The following RORA variants were observed in gnomAD, a reference collection of about 807,000 sequenced individuals.
RORA encodes RAR related orphan receptor A, also known as nuclear receptor ROR-alpha.
RORA carries 7 observed loss-of-function variants against 69.5 expected under a neutral mutation model. The observed-to-expected ratio is 0.10, with a 90% CI of 0.06 to 0.19. RORA has a LOEUF of 0.19. Among genes scored for constraint, RORA ranks in the 10% least tolerant of loss-of-function variants. The pLI, the probability that RORA is intolerant of heterozygous loss-of-function variation, is 1.00. For synonymous variants in RORA, 261 were observed against 240.8 expected (o/e 1.08, Z -0.78); for missense variants, 457 against 663.0 (o/e 0.69, Z 3.41).
intron 1 of RORA, among the ~76,000 whole-genome samples, chr15:60,907,245 A>G (rs1383460646): frequency 6.6e-6 from 1 of 152,194 alleles, no homozygotes; most frequent in Non-Finnish European, 1.5e-5. Context: ...AGTATGGAAG[A>G]AGAGGCTTGG....
At chr15:60,959,211 G>A (rs1160580074) in intron 1 of RORA, among the ~76,000 whole-genome samples, 1 of 152,174 alleles carries the variant, frequency 6.6e-6, no homozygotes, top group African/African-American at 2.4e-5. Flanking sequence ...ACTGGACAGA[G>A]GACTATGGCT....
chr15:60,997,039 T>TTGTGTGTGTGTGTGTGTGTG (rs10687177), intron 1 of RORA, among the ~76,000 whole-genome samples: 13 of 148,332 alleles, frequency 8.8e-5, no homozygotes, highest in African/African-American at 3.2e-4. Flanking sequence ...ATATTGGGGT[T>TTGTGTGTGTGTGTGTGTGTG]TGTGTGTGTG....
rs368516001 is a variant in RORA, at chr15:61,219,772, C to T, written c.166+9281G>A. On this transcript the variant is annotated intron_variant, in intron 1 of 10. Coordinates refer to ENST00000335670, the MANE Select transcript of RORA (RefSeq NM_134261.3). ...ATAGGGTGGGCTAGGCTCGCTGATT[C>T]ATAAAGCCCTTTCTGGCTTTAACAC... is the stretch of plus-strand genomic sequence containing the variant. 5.9e-5 allele frequency among the ~76,000 whole-genome samples: 9 copies of T among 152,310 alleles called. No homozygotes were observed. The East Asian group carries it at 1.7e-3, about 29-fold the overall frequency.
intron 1 of RORA, among the ~76,000 whole-genome samples, chr15:61,184,415 A>T (rs773535334): frequency 2.6e-5 from 4 of 151,956 alleles, no homozygotes; most frequent in African/African-American, 7.3e-5. Context: ...CCCCCCTAAG[A>T]TAAGTCTCTT....
intron 1 of RORA, among the ~76,000 whole-genome samples, chr15:61,032,250 G>A (rs959373838): frequency 1.3e-5 from 2 of 152,136 alleles, no homozygotes; most frequent in African/African-American, 2.4e-5. Flanking sequence ...AGATCCCTTA[G>A]AAAGCTATAA....
chr15:60,879,669 A>G (rs17270543), intron 1 of RORA, among the ~76,000 whole-genome samples: 3,593 of 152,344 alleles, frequency 0.024, 60 homozygotes, highest in Non-Finnish European at 0.036. Flanking sequence ...TTAAGAGGAC[A>G]CGAAGTGGCA....
chr15:60,613,274 G>A lies in RORA; in HGVS notation c.196+65383C>T, dbSNP rs534482233. Among the ~76,000 whole-genome samples the A allele has an allele frequency of 1.8e-4, 28 of 152,198 alleles. No homozygotes were observed. In the South Asian group the frequency reaches 2.1e-3, roughly 11 times the overall value. The stretch of plus-strand genomic sequence containing the variant: ...CTGTGTGCCTGTAATATACAGGGGC[G>A]TCACTTGACCATAAAACCTTCTCTA... On this transcript the variant is annotated intron_variant, in intron 2 of 10. Transcript: ENST00000335670.
At chr15:60,950,845 C>A (rs1893072109) in intron 1 of RORA, among the ~76,000 whole-genome samples, 2 of 132,600 alleles carry the variant, frequency 1.5e-5, no homozygotes, top group Non-Finnish European at 3.2e-5. Flanking sequence ...TAATGGGAGA[C>A]TTTAACACCC....
At chr15:60,867,010 T>C (rs943274411) in intron 1 of RORA, among the ~76,000 whole-genome samples, 11 of 152,004 alleles carry the variant, frequency 7.2e-5, no homozygotes, top group African/African-American at 2.7e-4. Flanking sequence ...GGACTACAGC[T>C]GTGAGCCACC....
chr15:61,191,564 T>C (rs1365242754), intron 1 of RORA, among the ~76,000 whole-genome samples: 3 of 152,204 alleles, frequency 2.0e-5, no homozygotes, highest in Non-Finnish European at 4.4e-5. Context: ...GCCCAGTGCT[T>C]TGCAGATAAA....
rs542949360 is a variant in RORA at position 60,581,760 on chromosome 15, T to C, written c.197-49909A>G. ...TGGTTTATAATGAACTGCTGTCTTT[T>C]TGAATAAATGTTTCAATGAAATCCA... On this transcript the variant is annotated intron_variant, in intron 2 of 10. Transcript: ENST00000335670. Among the ~76,000 whole-genome samples, 68 of 152,360 alleles carry C rather than the reference T, an allele frequency of 4.5e-4. No individual in the cohort carries two copies. In the South Asian group the frequency reaches 0.014, roughly 31 times the overall value.
At chr15:61,123,874 G>T (rs930556415) in intron 1 of RORA, among the ~76,000 whole-genome samples, 3 of 152,166 alleles carry the variant, frequency 2.0e-5, no homozygotes, top group Non-Finnish European at 4.4e-5. Flanking sequence ...TACATGCTGG[G>T]GCCAACCATT....
chr15:61,053,262 CA>C (rs1337625812), intron 1 of RORA, among the ~76,000 whole-genome samples: 1 of 150,950 alleles, frequency 6.6e-6, no homozygotes, highest in African/African-American at 2.4e-5. Flanking sequence ...GCTGCAAAAA[CA>C]TTTTTTTTTT....
intron 1 of RORA, among the ~76,000 whole-genome samples, chr15:60,951,829 A>T (rs1479939405): frequency 6.6e-6 from 1 of 152,174 alleles, no homozygotes; most frequent in African/African-American, 2.4e-5. Context: ...GTCCAGGACC[A>T]GATGGATTCA....
chr15:61,154,682 A>G (rs2079427333), intron 1 of RORA, among the ~76,000 whole-genome samples: 1 of 152,210 alleles, frequency 6.6e-6, no homozygotes, highest in Non-Finnish European at 1.5e-5. Flanking sequence ...TCCCTCTCCC[A>G]GCCCTGCATT....
intron 1 of RORA, among the ~76,000 whole-genome samples, chr15:60,789,537 C>G (rs12593925): frequency 6.6e-6 from 1 of 152,114 alleles, no homozygotes; most frequent in African/African-American, 2.4e-5. Flanking sequence ...CTATCCATAC[C>G]GTTTCTTGAT....
intron 3 of RORA, chr15:60,519,850 ACAAACAAT>A (rs2141380346): frequency 6.6e-6 from 1 of 152,216 alleles, no homozygotes; most frequent in East Asian, 1.9e-4. Flanking sequence ...AAACAAACAA[ACAAACAAT>A]GAAACTTACT....
chr15:60,630,575 G>C (rs1353732143), intron 2 of RORA: 1 of 152,318 alleles, frequency 6.6e-6, no homozygotes, highest in Non-Finnish European at 1.5e-5. Context: ...TGACAAGGTA[G>C]GGGTGGGCAG....
intron 1 of RORA, among the ~76,000 whole-genome samples, chr15:60,958,359 C>T (rs192334904): frequency 7.2e-5 from 11 of 152,230 alleles, no homozygotes; most frequent in Admixed American, 7.2e-4. Context: ...TGGTCCACTG[C>T]CCCCTTACCA....
Sources: allele counts gnomAD v4.1 joint callset (sites outside exome capture counted in the v4.1 genomes callset), GRCh38; gene constraint gnomAD v4.1.1; transcripts MANE v1.5; gene names NCBI Gene and HGNC (gene_info 2026-07-23, HGNC 2026-07-21).